Variants in ARHGAP15 observed in about 807,000 individuals in gnomAD.
ARHGAP15 encodes rho GTPase-activating protein 15.
A neutral mutation model predicts 63.7 loss-of-function variants in ARHGAP15; 51 were observed. That is an observed-to-expected ratio of 0.80 (90% CI 0.64 to 1.01). ARHGAP15 has a LOEUF of 1.01. Among genes scored for constraint, ARHGAP15 ranks in the 50% least tolerant of loss-of-function variants. The pLI, the probability that ARHGAP15 is intolerant of heterozygous loss-of-function variation, is 0.00. For synonymous variants in ARHGAP15, 191 were observed against 193.8 expected (o/e 0.99, Z 0.12); for missense variants, 560 against 564.6 (o/e 0.99, Z 0.08).
chr2:143,317,536 A>G (rs889006087), intron 6 of ARHGAP15, among the ~76,000 whole-genome samples: 1 of 152,366 alleles, frequency 6.6e-6, no homozygotes, highest in Middle Eastern at 3.4e-3. Flanking sequence ...ACATTATCAC[A>G]AGGGCAAATA....
chr2:143,287,579 G>C (rs1682168827), intron 6 of ARHGAP15, among the ~76,000 whole-genome samples: 2 of 152,070 alleles, frequency 1.3e-5, no homozygotes, highest in African/African-American at 4.8e-5. Flanking sequence ...GCCGAGGCAG[G>C]TGGATTACCT....
At chr2:143,578,982 A>C (rs931376008) in intron 11 of ARHGAP15, among the ~76,000 whole-genome samples, 1 of 152,134 alleles carries the variant, frequency 6.6e-6, no homozygotes, top group African/African-American at 2.4e-5. Context: ...TTCCAGCTGA[A>C]CAGAAAATGT....
At chr2:143,162,806 C>T (rs1690351195) in intron 2 of ARHGAP15, among the ~76,000 whole-genome samples, 1 of 151,956 alleles carries the variant, frequency 6.6e-6, no homozygotes, top group Admixed American at 6.6e-5. Context: ...ATATGTGTCA[C>T]TTTACATACA....
chr2:143,382,783 C>T (rs980022695), intron 6 of ARHGAP15, among the ~76,000 whole-genome samples: 1 of 152,142 alleles, frequency 6.6e-6, no homozygotes. Context: ...GTCTTGTCTG[C>T]GACTTTTCTG....
chr2:143,196,745 G>A (rs1691898806), intron 2 of ARHGAP15, among the ~76,000 whole-genome samples: 1 of 151,754 alleles, frequency 6.6e-6, no homozygotes, highest in African/African-American at 2.4e-5. Flanking sequence ...ATTTAATTAT[G>A]CAATAGACAT....
rs114992633 is a variant in ARHGAP15 at position 143,137,004 on chromosome 2, A to G, written c.-15+7538A>G. On this transcript the variant is annotated intron_variant, in intron 1 of 13. Coordinates refer to ENST00000295095, the MANE Select transcript of ARHGAP15 (RefSeq NM_018460.4). ...TGCTTCTATCTTCCCCACAATAGTC[A>G]TTGTCCAAGGAGTAGACAGAGTGGC... 3.7e-3 allele frequency among the ~76,000 whole-genome samples: 561 copies of G among 152,204 alleles called. 1 individual carries two copies. Among genetic ancestry groups the G allele is most frequent in the African/African-American group, 0.013 (542 of 41,564 alleles).
intron 6 of ARHGAP15, among the ~76,000 whole-genome samples, chr2:143,288,216 A>G (rs1682209594): frequency 6.6e-6 from 1 of 152,120 alleles, no homozygotes; most frequent in Non-Finnish European, 1.5e-5. Flanking sequence ...GGAGAGTGTC[A>G]CTCATATGTA....
chr2:143,450,155 T>C (rs1690345952), intron 8 of ARHGAP15, among the ~76,000 whole-genome samples: 1 of 117,734 alleles, frequency 8.5e-6, no homozygotes, highest in African/African-American at 3.7e-5. Flanking sequence ...GTTTCATGCT[T>C]TTTTTTTTTT....
At chr2:143,553,960 TTAAG>T (rs776642500) in intron 10 of ARHGAP15, among the ~76,000 whole-genome samples, 162 of 152,276 alleles carry the variant, frequency 1.1e-3, no homozygotes, top group Non-Finnish European at 1.6e-3. Context: ...AAAATGATGA[TTAAG>T]TAAGGCCCTT....
chr2:143,546,924 TAAAA>T (rs990998027), intron 10 of ARHGAP15, among the ~76,000 whole-genome samples: 5 of 152,172 alleles, frequency 3.3e-5, no homozygotes, highest in African/African-American at 1.2e-4. Flanking sequence ...AAGATTTTTT[TAAAA>T]AAAAGAAGAT....
chr2:143,532,996 C>T (rs568391883), intron 10 of ARHGAP15, among the ~76,000 whole-genome samples: 18 of 152,262 alleles, frequency 1.2e-4, no homozygotes, highest in Admixed American at 9.2e-4. Context: ...TTGTACAGAA[C>T]GACTATTTTA....
chr2:143,514,548 C>T (rs1693722952), intron 9 of ARHGAP15, among the ~76,000 whole-genome samples: 1 of 152,160 alleles, frequency 6.6e-6, no homozygotes, highest in Admixed American at 6.5e-5. Context: ...TTTTCATTCT[C>T]ACAGCATAGC....
chr2:143,477,777 T>C (rs1173908026), intron 8 of ARHGAP15, among the ~76,000 whole-genome samples: 1 of 152,174 alleles, frequency 6.6e-6, no homozygotes, highest in Non-Finnish European at 1.5e-5. Flanking sequence ...AGCATATCAA[T>C]GGTTCTTATC....
At chr2:143,562,347 A>G (rs1160595581) in intron 11 of ARHGAP15, among the ~76,000 whole-genome samples, 1 of 152,238 alleles carries the variant, frequency 6.6e-6, no homozygotes, top group Non-Finnish European at 1.5e-5. Context: ...AAAGATCTGA[A>G]AAAGGATTTC....
chr2:143,284,792 T>TA (rs1427178503), intron 6 of ARHGAP15, among the ~76,000 whole-genome samples: 1 of 152,218 alleles, frequency 6.6e-6, no homozygotes, highest in East Asian at 1.9e-4. Context: ...CTGTCTCTTT[T>TA]AAAATAAGCC....
At chr2:143,602,925 C>T (rs996615912) in intron 11 of ARHGAP15, among the ~76,000 whole-genome samples, 7 of 152,006 alleles carry the variant, frequency 4.6e-5, no homozygotes, top group Admixed American at 2.0e-4. Context: ...GAAGGTGGCC[C>T]GATCAATTAT....
At chr2:143,585,888 T>A (rs1697090044) in intron 11 of ARHGAP15, among the ~76,000 whole-genome samples, 1 of 152,158 alleles carries the variant, frequency 6.6e-6, no homozygotes, top group Non-Finnish European at 1.5e-5. Flanking sequence ...CCAAGTTTTC[T>A]CTGTAAGGGA....
chr2:143,354,467 C>T (rs910349407), intron 6 of ARHGAP15, among the ~76,000 whole-genome samples: 4 of 151,950 alleles, frequency 2.6e-5, no homozygotes, highest in Non-Finnish European at 5.9e-5. Flanking sequence ...GTTTAACAGT[C>T]CTAGAAACGG....
chr2:143,167,136 A>C (rs1053720698), intron 2 of ARHGAP15, among the ~76,000 whole-genome samples: 1 of 152,154 alleles, frequency 6.6e-6, no homozygotes, highest in South Asian at 2.1e-4. Context: ...CTTGACTTAA[A>C]AATTTTACTT....
Sources: gnomAD v4.1 joint callset for allele counts (sites outside exome capture counted in the v4.1 genomes callset) on GRCh38, gnomAD v4.1.1 for gene constraint, MANE v1.5 for transcripts, NCBI Gene and HGNC (gene_info 2026-07-23, HGNC 2026-07-21) for gene names.